The following TAOK3 variants were observed in gnomAD, a reference collection of about 807,000 sequenced individuals.
The protein encoded by TAOK3 is TAO kinase 3, also known as serine/threonine-protein kinase TAO3.
TAOK3 carries 40 observed loss-of-function variants against 120.4 expected under a neutral mutation model. That is an observed-to-expected ratio of 0.33 (90% CI 0.26 to 0.43). The LOEUF is 0.43. Ranked by LOEUF, TAOK3 falls within the 20% of genes least tolerant of loss-of-function variation. The pLI is 1.00. For missense variants in TAOK3, 821 were observed against 1,112.1 expected, an observed-to-expected ratio of 0.74 and a Z score of 3.72; for synonymous variants, 355 against 387.5, an observed-to-expected ratio of 0.92 and a Z score of 0.99.
At chr12:118,231,380 TTTAA>T (rs1382613446) in intron 9 of TAOK3, among the ~76,000 whole-genome samples, 89 of 152,236 alleles carry the variant, frequency 5.8e-4, no homozygotes, top group African/African-American at 2.1e-3. Context: ...CTTTTTTTTT[TTTAA>T]TTAATACTTC....
At chr12:118,191,436 A>G (rs2037425660) in intron 13 of TAOK3, among the ~76,000 whole-genome samples, 1 of 152,228 alleles carries the variant, frequency 6.6e-6, no homozygotes, top group Non-Finnish European at 1.5e-5. Context: ...CCAGCCACAT[A>G]TGACTATTTT....
rs1162105219 is a variant in TAOK3 at position 118,238,160 on chromosome 12, T to C, written c.350A>G (p.Lys117Arg). The change falls in exon 7 of 21, where the codon AAA becomes AGA. Residue 117 changes from lysine (K) to arginine (R), a missense_variant. By Grantham distance (26) the Lys-to-Arg change is conservative. Coordinates refer to ENST00000392533, the MANE Select transcript of TAOK3 (RefSeq NM_016281.4). Reference protein sequence around the residue: ...SASDLLEVHKKPLQEVEIAAI... With the variant: ...SASDLLEVHKRPLQEVEIAAI... ...AGCGATCTCCACTTCCTGAAGTGGT[T>C]TTTTATGAACTGAGGAAGGAAAAAA... is the stretch of plus-strand genomic sequence containing the variant. 2 of 1,609,800 alleles carry C rather than the reference T, an allele frequency of 1.2e-6. No homozygotes were observed. Among genetic ancestry groups the C allele is most frequent in the South Asian group, 2.2e-5 (2 of 90,662 alleles).
At chr12:118,368,012 T>C (rs1246067938) in intron 1 of TAOK3, among the ~76,000 whole-genome samples, 1 of 152,208 alleles carries the variant, frequency 6.6e-6, no homozygotes, top group Non-Finnish European at 1.5e-5. Context: ...AAGATTACAA[T>C]AGTTTGCCTG....
At chr12:118,172,762 T>C (rs1334308609) in intron 16 of TAOK3, 102 bp from the exon 17 acceptor site, 5 of 1,080,606 alleles carry the variant, frequency 4.6e-6, no homozygotes, top group Non-Finnish European at 4.2e-6. Flanking sequence ...CCAATGCAGA[T>C]GTAAGCACAG....
In TAOK3 at chr12:118,280,011, C is replaced by T. The variant is rs147269175; in HGVS notation, c.-193-13252G>A. Among the ~76,000 whole-genome samples the T allele has an allele frequency of 8.8e-3, 1,335 of 151,568 alleles. 15 individuals are homozygous for T. The highest frequency in any genetic ancestry group is 0.03 in the African/African-American group (1,229 of 41,298). On this transcript the variant is annotated intron_variant, in intron 1 of 20. Coordinates refer to ENST00000392533, the MANE Select transcript of TAOK3 (RefSeq NM_016281.4). Reference sequence around the variant, plus strand: ...TGAACTCCTGACTTCGTGATCCGCCCGCCTTAGCCTCCCAAAGTGCTGGGA... The same window carrying T: ...TGAACTCCTGACTTCGTGATCCGCCTGCCTTAGCCTCCCAAAGTGCTGGGA...
At chr12:118,233,897 C>A in intron 8 of TAOK3, 132 bp from the exon 9 acceptor site, 1 of 635,284 alleles carries the variant, frequency 1.6e-6, no homozygotes, top group Non-Finnish European at 2.8e-6. Context: ...TTTCCTTACA[C>A]AAATAATTTT....
chr12:118,278,838 G>A (rs2041993676), intron 1 of TAOK3, among the ~76,000 whole-genome samples: 1 of 152,020 alleles, frequency 6.6e-6, no homozygotes, highest in African/African-American at 2.4e-5. Context: ...ATGCTGTCTT[G>A]CTCTGTCGCC....
At chr12:118,280,512 C>T (rs1430774215) in intron 1 of TAOK3, among the ~76,000 whole-genome samples, 5 of 152,232 alleles carry the variant, frequency 3.3e-5, no homozygotes, top group Middle Eastern at 3.4e-3. Context: ...TGTAGGTGTG[C>T]GGCATTATTT....
In TAOK3 at chr12:118,172,919, T is replaced by C. The variant is rs989618583; in HGVS notation, c.1696-259A>G. ...GTTCACTCATTCACTCAACACAAAC[T>C]TAACAAGCTCCTATCATGTGACAGG... is the stretch of plus-strand genomic sequence containing the variant. On this transcript the variant is annotated intron_variant, in intron 16 of 20. Transcript: ENST00000392533. 3.3e-5 allele frequency among the ~76,000 whole-genome samples: 5 copies of C among 152,122 alleles called. No homozygotes were observed. In the South Asian group the frequency reaches 1.0e-3, roughly 32 times the overall value.
At chr12:118,162,364 T>C (rs984387297) in intron 17 of TAOK3, among the ~76,000 whole-genome samples, 1 of 152,192 alleles carries the variant, frequency 6.6e-6, no homozygotes, top group Non-Finnish European at 1.5e-5. Context: ...TACATAAATG[T>C]TTCTTCAGTG....
chr12:118,318,158 CTTT>C (rs766334747), intron 1 of TAOK3, among the ~76,000 whole-genome samples: 5 of 133,246 alleles, frequency 3.8e-5, no homozygotes, highest in Admixed American at 7.6e-5. Context: ...AGCTATAAAA[CTTT>C]TTTTTTTTTT....
intron 3 of TAOK3, among the ~76,000 whole-genome samples, chr12:118,248,935 T>A (rs2040631019): frequency 6.6e-6 from 1 of 152,116 alleles, no homozygotes; most frequent in Non-Finnish European, 1.5e-5. Flanking sequence ...TAGATGTGAA[T>A]TTTTATACTG....
chr12:118,244,055 A>G (rs925392805), intron 4 of TAOK3, among the ~76,000 whole-genome samples: 1 of 152,170 alleles, frequency 6.6e-6, no homozygotes, highest in Admixed American at 6.5e-5. Context: ...AAGCCATTAC[A>G]CATACCCATG....
chr12:118,285,600 G>A (rs892982688), intron 1 of TAOK3, among the ~76,000 whole-genome samples: 16 of 152,060 alleles, frequency 1.1e-4, no homozygotes, highest in Admixed American at 6.5e-5. Flanking sequence ...TGATCCACCT[G>A]CCTTGGCCTC....
chr12:118,186,015 C>CTGTTTT (rs1688985180), intron 14 of TAOK3, among the ~76,000 whole-genome samples: 1 of 152,156 alleles, frequency 6.6e-6, no homozygotes, highest in Non-Finnish European at 1.5e-5. Context: ...ACTGCTGAGG[C>CTGTTTT]TCTCATATTT....
intron 2 of TAOK3, among the ~76,000 whole-genome samples, chr12:118,263,108 A>C (rs1214205974): frequency 6.6e-6 from 1 of 152,228 alleles, no homozygotes; most frequent in African/African-American, 2.4e-5. Flanking sequence ...ATAAATCTAC[A>C]GTTATCAAGA....
chr12:118,214,721 T>C (rs1297942791), intron 9 of TAOK3, among the ~76,000 whole-genome samples: 1 of 149,114 alleles, frequency 6.7e-6, no homozygotes, highest in Non-Finnish European at 1.5e-5. Context: ...GTGCCTGACA[T>C]CGTGCATGGC....
At chr12:118,320,466 A>G (rs1161438198) in intron 1 of TAOK3, among the ~76,000 whole-genome samples, 1 of 152,098 alleles carries the variant, frequency 6.6e-6, no homozygotes. Flanking sequence ...GAACAATAAT[A>G]TACTTGATTA....
chr12:118,354,249 T>C (rs527921162), intron 1 of TAOK3, among the ~76,000 whole-genome samples: 10 of 152,266 alleles, frequency 6.6e-5, no homozygotes, highest in African/African-American at 1.9e-4. Flanking sequence ...TCTTGCACTT[T>C]GGGGATGTTA....
Sources: gnomAD v4.1 joint callset for allele counts (sites outside exome capture counted in the v4.1 genomes callset) on GRCh38, gnomAD v4.1.1 for gene constraint, MANE v1.5 for transcripts, NCBI Gene and HGNC (gene_info 2026-07-23, HGNC 2026-07-21) for gene names.